The following SLC35F3 variants were observed in gnomAD, a reference collection of about 807,000 sequenced individuals.
SLC35F3 encodes the protein putative thiamine transporter SLC35F3.
Under a neutral mutation model 49.9 loss-of-function variants are expected in SLC35F3, and 25 were observed. The observed-to-expected ratio is 0.50, with a 90% CI of 0.37 to 0.70. The LOEUF is 0.70. Among genes scored for constraint, SLC35F3 ranks in the 30% least tolerant of loss-of-function variants. The pLI, the probability that SLC35F3 is intolerant of heterozygous loss-of-function variation, is 0.00. For synonymous variants in SLC35F3, 275 were observed against 265.4 expected (o/e 1.04, Z -0.35); for missense variants, 525 against 639.8 (o/e 0.82, Z 1.94).
intron 2 of SLC35F3, among the ~76,000 whole-genome samples, chr1:234,087,343 G>C (rs1408958199): frequency 1.3e-5 from 2 of 152,192 alleles, no homozygotes; most frequent in Non-Finnish European, 2.9e-5. Flanking sequence ...TATCTGTTAG[G>C]TGTGGTTAAA....
At chr1:233,991,075 G>T (rs1663348034) in intron 2 of SLC35F3, among the ~76,000 whole-genome samples, 1 of 152,186 alleles carries the variant, frequency 6.6e-6, no homozygotes, top group South Asian at 2.1e-4. Flanking sequence ...CTGCAAATAT[G>T]TGCAGTGAGT....
At chr1:233,982,723 A>G (rs1663205908) in intron 2 of SLC35F3, among the ~76,000 whole-genome samples, 1 of 152,180 alleles carries the variant, frequency 6.6e-6, no homozygotes, top group Admixed American at 6.5e-5. Context: ...TTTACTGACT[A>G]TATGCAAGGC....
chr1:234,041,984 G>A (rs1664228564), intron 2 of SLC35F3, among the ~76,000 whole-genome samples: 1 of 152,098 alleles, frequency 6.6e-6, no homozygotes, highest in East Asian at 1.9e-4. Context: ...CCCCCTTATG[G>A]CATCAGTGGG....
At chr1:233,910,478 G>T (rs2102781746) in intron 2 of SLC35F3, among the ~76,000 whole-genome samples, 1 of 152,242 alleles carries the variant, frequency 6.6e-6, no homozygotes, top group Non-Finnish European at 1.5e-5. Flanking sequence ...CCTTTTTTCA[G>T]CAGTCAGTGT....
At chr1:233,990,542 C>T (rs867792655) in intron 2 of SLC35F3, among the ~76,000 whole-genome samples, 4 of 152,260 alleles carry the variant, frequency 2.6e-5, no homozygotes, top group South Asian at 2.1e-4. Flanking sequence ...ACCTAATGTA[C>T]AGCATGGTGA....
chr1:234,084,329 T>C (rs1664929178), intron 2 of SLC35F3, among the ~76,000 whole-genome samples: 1 of 152,142 alleles, frequency 6.6e-6, no homozygotes, highest in Non-Finnish European at 1.5e-5. Flanking sequence ...CTGTGTGGAT[T>C]ATATCTACCT....
chr1:234,188,820 T>C (rs1355188841), intron 2 of SLC35F3, among the ~76,000 whole-genome samples: 1 of 152,192 alleles, frequency 6.6e-6, no homozygotes, highest in Non-Finnish European at 1.5e-5. Context: ...CCACCGCCAC[T>C]GGAGCAAGTG....
intron 3 of SLC35F3, among the ~76,000 whole-genome samples, chr1:234,234,992 G>T (rs527346855): frequency 6.6e-6 from 1 of 152,126 alleles, no homozygotes; most frequent in Non-Finnish European, 1.5e-5. Flanking sequence ...GCCTTGTGGT[G>T]GCCAATTTAA....
intron 2 of SLC35F3, among the ~76,000 whole-genome samples, chr1:234,066,293 T>A (rs1045892147): frequency 9.9e-5 from 15 of 152,176 alleles, no homozygotes; most frequent in South Asian, 2.1e-4. Flanking sequence ...GCGATTCCCA[T>A]CTTACTCCCA....
chr1:234,238,936 T>A (rs12141747), intron 3 of SLC35F3, among the ~76,000 whole-genome samples: 2 of 152,038 alleles, frequency 1.3e-5, no homozygotes, highest in African/African-American at 4.8e-5. Flanking sequence ...TATTCAGCTA[T>A]AGCAATGTTA....
chr1:233,993,092 A>G (rs1306312577), intron 2 of SLC35F3, among the ~76,000 whole-genome samples: 3 of 152,124 alleles, frequency 2.0e-5, no homozygotes, highest in Non-Finnish European at 2.9e-5. Context: ...GGAAGAAAAA[A>G]AAATCCAGAG....
intron 2 of SLC35F3, among the ~76,000 whole-genome samples, chr1:234,142,270 G>GA (rs560432243): frequency 4.0e-5 from 6 of 151,724 alleles, no homozygotes; most frequent in African/African-American, 1.2e-4. Flanking sequence ...TAAAGCTTAC[G>GA]AAAAAAAAGA....
At chr1:234,141,697 G>T (rs554640753) in intron 2 of SLC35F3, among the ~76,000 whole-genome samples, 1 of 152,094 alleles carries the variant, frequency 6.6e-6, no homozygotes, top group African/African-American at 2.4e-5. Flanking sequence ...TGGAGAACTC[G>T]CTTCAGCTCA....
intron 2 of SLC35F3, among the ~76,000 whole-genome samples, chr1:234,124,639 G>A (rs1417405277): frequency 6.6e-6 from 1 of 152,144 alleles, no homozygotes; most frequent in African/African-American, 2.4e-5. Flanking sequence ...GGCTGCGGTG[G>A]GAGCGTTACT....
At chr1:234,291,870 T>C (rs593937) in intron 3 of SLC35F3, among the ~76,000 whole-genome samples, 100,127 of 152,140 alleles carry the variant, frequency 0.66, 33,283 homozygotes, top group Admixed American at 0.72. Flanking sequence ...CCAAAAATAT[T>C]GGGAGCTAGT....
chr1:234,058,740 G>A (rs1273255731), intron 2 of SLC35F3, among the ~76,000 whole-genome samples: 1 of 152,034 alleles, frequency 6.6e-6, no homozygotes, highest in African/African-American at 2.4e-5. Context: ...ACTTTGTCTG[G>A]TTTTCTTATC....
intron 2 of SLC35F3, among the ~76,000 whole-genome samples, chr1:234,224,842 C>T (rs1046807257): frequency 3.3e-5 from 5 of 152,208 alleles, no homozygotes; most frequent in Admixed American, 3.3e-4. Context: ...AGATATGTAA[C>T]ATCTACTGGC....
chr1:234,244,471 C>A (rs1263116895), intron 3 of SLC35F3, among the ~76,000 whole-genome samples: 2 of 152,118 alleles, frequency 1.3e-5, no homozygotes, highest in East Asian at 3.9e-4. Context: ...TCTCGGCAGG[C>A]AGTCTCCAAG....
At chr1:234,066,695 C>T (rs1251700463) in intron 2 of SLC35F3, among the ~76,000 whole-genome samples, 2 of 151,896 alleles carry the variant, frequency 1.3e-5, no homozygotes, top group African/African-American at 4.8e-5. Context: ...GAATAGAAGC[C>T]AACCTCTCTC....
Sources: gnomAD v4.1 joint callset for allele counts (sites outside exome capture counted in the v4.1 genomes callset) on GRCh38, gnomAD v4.1.1 for gene constraint, MANE v1.5 for transcripts, NCBI Gene and HGNC (gene_info 2026-07-23, HGNC 2026-07-21) for gene names.